Variants in PTK2 observed in about 807,000 individuals in gnomAD.
The protein encoded by PTK2 is protein tyrosine kinase 2.
In PTK2, 45 loss-of-function variants were observed where a neutral mutation model predicts 150.1. The ratio of observed to expected loss-of-function variants is 0.30; its 90% confidence interval spans 0.24 to 0.38. The LOEUF (loss-of-function observed/expected upper bound fraction) is 0.38, where lower values mean the gene tolerates loss of function less well. Among genes scored for constraint, PTK2 ranks in the 10% least tolerant of loss-of-function variants. The probability of loss-of-function intolerance (pLI) is 1.00; values close to 1 mark genes in which losing one functional copy is unlikely to be tolerated. For synonymous variants in PTK2, 432 were observed against 449.2 expected (o/e 0.96, Z 0.48); for missense variants, 919 against 1,307.3 (o/e 0.70, Z 4.58).
chr8:140,934,128 CAGAAA>C (rs1434253535), intron 1 of PTK2, among the ~76,000 whole-genome samples: 2 of 152,086 alleles, frequency 1.3e-5, no homozygotes, highest in African/African-American at 4.8e-5. Flanking sequence ...ATAAACATTA[CAGAAA>C]AGAAATCATA....
exon 32 of PTK2, chr8:140,659,374 C>T (rs950183314): frequency 8.6e-6 from 10 of 1,157,240 alleles, no homozygotes; most frequent in Non-Finnish European, 9.7e-6. Flanking sequence ...TAAGTGCTGG[C>T]GACTGAGGAC....
At chr8:140,870,264 C>G (rs144786532) in intron 4 of PTK2, among the ~76,000 whole-genome samples, 1 of 152,158 alleles carries the variant, frequency 6.6e-6, no homozygotes. Flanking sequence ...CTAAACAATA[C>G]ACTTAATCAC....
At chr8:140,945,324 CCTGTAATCCCAGCACT>C (rs1320691194) in intron 1 of PTK2, among the ~76,000 whole-genome samples, 2 of 152,174 alleles carry the variant, frequency 1.3e-5, no homozygotes, top group African/African-American at 4.8e-5. Flanking sequence ...ATGGCTCATG[CCTGTAATCCCAGCACT>C]CTGGGATGCC....
At chr8:140,696,161 C>A (rs1004051031) in intron 26 of PTK2, among the ~76,000 whole-genome samples, 2 of 152,090 alleles carry the variant, frequency 1.3e-5, no homozygotes, top group Non-Finnish European at 2.9e-5. Flanking sequence ...ACGATGGGAG[C>A]TGGGGGAGAG....
intron 31 of PTK2, chr8:140,660,739 C>CG (rs2078545805): frequency 2.5e-6 from 1 of 399,642 alleles, no homozygotes; most frequent in African/African-American, 2.0e-5. Context: ...CCCCTCCCCC[C>CG]GCACACATTA....
chr8:140,871,976 AG>A (rs2100142792), intron 4 of PTK2, among the ~76,000 whole-genome samples: 1 of 152,150 alleles, frequency 6.6e-6, no homozygotes, highest in African/African-American at 2.4e-5. Flanking sequence ...TGGGAGGCCA[AG>A]GTGGGCAGAT....
At chr8:140,791,042 A>G (rs147462005) in intron 13 of PTK2, among the ~76,000 whole-genome samples, 206 of 152,254 alleles carry the variant, frequency 1.4e-3, no homozygotes, top group African/African-American at 4.6e-3. Flanking sequence ...CTGCTGCTAT[A>G]AGGTTTGTGG....
chr8:140,674,737 C>T (rs964214632), intron 28 of PTK2, among the ~76,000 whole-genome samples: 1 of 149,836 alleles, frequency 6.7e-6, no homozygotes, highest in African/African-American at 2.5e-5. Flanking sequence ...AAAACTCCGT[C>T]TCAAAAAAAT....
chr8:140,753,728 AAC>A (rs1427118141), intron 16 of PTK2, among the ~76,000 whole-genome samples: 5 of 152,152 alleles, frequency 3.3e-5, no homozygotes, highest in Admixed American at 2.0e-4. Context: ...AATTATACAT[AAC>A]ACAGAGATAA....
At chr8:140,659,111 G>A (rs2075971816) in exon 32 of PTK2, 1 of 271,022 alleles carries the variant, frequency 3.7e-6, no homozygotes, top group South Asian at 9.6e-5. Flanking sequence ...AGGTAGTTTA[G>A]GAATTAAGAT....
In PTK2 at chr8:140,765,445, C is replaced by A. The variant is rs565448708; in HGVS notation, c.1178-1155G>T. ...AATCTACAAGTGGAAGAATTCACTT[C>A]TTATTATGTAATCATCATTAAAAGT... On this transcript the variant is annotated intron_variant, in intron 14 of 31. Coordinates refer to ENST00000522684, the Ensembl canonical transcript of PTK2. 2.7e-4 allele frequency among the ~76,000 whole-genome samples: 41 copies of A among 152,094 alleles called. No homozygotes were observed. The East Asian group carries it at 6.2e-3, about 23-fold the overall frequency.
intron 29 of PTK2, chr8:140,668,698 A>G (rs777550880): frequency 2.9e-5 from 8 of 280,190 alleles, no homozygotes; most frequent in Non-Finnish European, 4.0e-5. Context: ...AGATTCTTTC[A>G]GAGACCTGAT....
intron 12 of PTK2, among the ~76,000 whole-genome samples, chr8:140,798,750 T>G (rs1222624422): frequency 6.6e-6 from 1 of 152,226 alleles, no homozygotes; most frequent in Non-Finnish European, 1.5e-5. Flanking sequence ...ACATTTAACA[T>G]TTTTCCTAAA....
At chr8:140,796,264 T>A (rs140015641) in intron 12 of PTK2, among the ~76,000 whole-genome samples, 16 of 152,300 alleles carry the variant, frequency 1.1e-4, no homozygotes, top group African/African-American at 3.6e-4. Flanking sequence ...CTGCACATCA[T>A]AGGAATTCAA....
intron 10 of PTK2, among the ~76,000 whole-genome samples, chr8:140,813,901 T>C (rs1461010175): frequency 2.6e-5 from 4 of 151,658 alleles, no homozygotes; most frequent in African/African-American, 9.7e-5. Context: ...ATTAATAAAA[T>C]AGACCACTAC....
intron 23 of PTK2, among the ~76,000 whole-genome samples, 160 bp downstream of exon 26, chr8:140,717,438 C>T (rs777227935): frequency 6.6e-6 from 1 of 152,156 alleles, no homozygotes; most frequent in African/African-American, 2.4e-5. Context: ...GAGGGTAATA[C>T]GAGAAGACGA....
chr8:140,668,620 T>C lies in PTK2; in HGVS notation c.2710-196A>G, dbSNP rs552189805. The C allele has an allele frequency of 5.9e-5, 33 of 555,922 alleles. No individual in the cohort carries two copies. In the South Asian group the frequency reaches 1.0e-3, roughly 17 times the overall value. The allele number at this position is 555,922 out of a possible 1,614,324, so 34.4% of individuals were successfully genotyped here. ...CTCCAAGTGACAAATTAGGCAGTAT[T>C]TTCTTTCTAACTTTGAGCTCAGTTA... On this transcript the variant is annotated intron_variant, in intron 29 of 31. Coordinates refer to ENST00000522684, the Ensembl canonical transcript of PTK2.
In PTK2 at chr8:140,706,201, C is replaced by T. The variant is rs771970301; in HGVS notation, c.2147G>A (p.Ser716Asn). The T allele has an allele frequency of 1.9e-6, 3 of 1,611,388 alleles. No homozygotes were observed. The African/African-American group carries it at 4.0e-5, about 22-fold the overall frequency. ...CCTCGGACTGGGATAACCCGGTCTG[C>T]TGGGCTGTAAAATCAAGAGAGCATC... Residue 716 changes from serine (S) to asparagine (N), a missense_variant, in exon 24 of 32, where the codon AGC becomes AAC. Ser to Asn is a conservative substitution (Grantham distance 46). Transcript: ENST00000522684.
At chr8:140,869,090 T>C (rs757085407) in intron 4 of PTK2, among the ~76,000 whole-genome samples, 2 of 152,150 alleles carry the variant, frequency 1.3e-5, no homozygotes, top group African/African-American at 2.4e-5. Context: ...CTGACCCTTT[T>C]GTAGCTGTGG....
Sources: allele counts gnomAD v4.1 joint callset (sites outside exome capture counted in the v4.1 genomes callset), GRCh38; gene constraint gnomAD v4.1.1; transcripts MANE v1.5; gene names NCBI Gene and HGNC (gene_info 2026-07-23, HGNC 2026-07-21).